The following TAS1R3 variants were observed in gnomAD, a reference collection of about 807,000 sequenced individuals.
The protein encoded by TAS1R3 is taste 1 receptor member 3.
In TAS1R3, 58 loss-of-function variants were observed where a neutral mutation model predicts 46.1. The observed-to-expected ratio is 1.26, with a 90% confidence interval of 1.02 to 1.57. The LOEUF (loss-of-function observed/expected upper bound fraction) is 1.57. Among genes scored for constraint, TAS1R3 ranks in the 40% most tolerant of loss-of-function variants. The probability of loss-of-function intolerance (pLI) is 0.00; values close to 1 mark genes in which losing one functional copy is unlikely to be tolerated. For synonymous variants in TAS1R3, 724 were observed against 544.7 expected, an observed-to-expected ratio of 1.33 and a Z score of -4.58; for missense variants, 1,422 against 1,185.8, an observed-to-expected ratio of 1.20 and a Z score of -2.93.
chr1:1,333,334 T>C lies in TAS1R3; in HGVS notation c.1555T>C (p.Tyr519His), dbSNP rs1199196152. ...GGTCAAGGGGTTCCACTCCTGCTGC[T>C]ACGACTGTGTGGACTGCGAGGCGGG... ...RRVKGFHSCC[Y>H]DCVDCEAGSY... Residue 519 changes from tyrosine (Y) to histidine (H), a missense_variant, in exon 5 of 6, where the codon TAC (tyrosine) becomes CAC (histidine). By Grantham distance (83) the Tyr-to-His change is moderately conservative. Coordinates refer to ENST00000339381, the MANE Select transcript of TAS1R3 (RefSeq NM_152228.3). 2 of 1,608,322 alleles carry C rather than the reference T, an allele frequency of 1.2e-6. No individual in the cohort carries two copies. Among genetic ancestry groups the C allele is most frequent in the Non-Finnish European group, 1.7e-6 (2 of 1,178,100 alleles).
In TAS1R3 at chr1:1,333,700, G is replaced by A. The variant is rs1403992113; in HGVS notation, c.1795G>A (p.Val599Ile). The change falls in exon 6 of 6, where the codon GTT becomes ATT. Residue 599 changes from valine (V) to isoleucine (I), a missense_variant. Val to Ile is a conservative substitution (Grantham distance 29). Coordinates refer to ENST00000339381, the MANE Select transcript of TAS1R3 (RefSeq NM_152228.3). ...CGTTCACCATCGGGACAGCCCACTGGTTCAGGCCTCGGGGGGGCCCCTGGC... is the reference window on the plus strand; with the variant it reads ...CGTTCACCATCGGGACAGCCCACTGATTCAGGCCTCGGGGGGGCCCCTGGC... ...LFVHHRDSPLVQASGGPLACF... is the reference protein window; with the variant it reads ...LFVHHRDSPLIQASGGPLACF... 5 of 1,611,158 alleles carry A rather than the reference G, an allele frequency of 3.1e-6. No homozygotes were observed. The South Asian group carries it at 5.5e-5, about 18-fold the overall frequency.
Position 1,331,699 on chromosome 1 carries a change from A to G in TAS1R3, c.253A>G (p.Asn85Asp), listed in dbSNP as rs758514443. The part of the protein sequence containing the change: ...AMKMAVEEIN[N>D]KSDLLPGLRL... ...GAAAATGGCCGTGGAGGAGATCAACAACAAGTCGGATCTGCTGCCCGGGCT... is the reference window on the plus strand; with the variant it reads ...GAAAATGGCCGTGGAGGAGATCAACGACAAGTCGGATCTGCTGCCCGGGCT... The change falls in exon 2 of 6, where the codon AAC becomes GAC. Residue 85 changes from asparagine to aspartate, a missense_variant. Transcript: ENST00000339381. The G allele has an allele frequency of 2.5e-6, 4 of 1,612,864 alleles. No individual in the cohort carries two copies. The African/African-American group carries it at 5.3e-5, about 22-fold the overall frequency.
chr1:1,332,018 T>C lies in TAS1R3; in HGVS notation c.493-6T>C, dbSNP rs758740057. 7.3e-7 allele frequency: 1 copy of C among 1,363,962 alleles called. No homozygotes were observed. Among genetic ancestry groups the C allele is most frequent in the Non-Finnish European group, 9.7e-7 (1 of 1,030,190 alleles). The allele number at this position is 1,363,962 out of a possible 1,614,324, so 84.5% of individuals were successfully genotyped here. A position where few individuals can be genotyped will look rare whatever the true frequency, so the allele number is the denominator to read the frequency against. ...TGTGTCAGGAGATGCCTCTTGGCCC[T>C]TGCAGGTCAGCTACGGTGCTAGCAT... On this transcript the variant is annotated splice_polypyrimidine_tract_variant and splice_region_variant and intron_variant, in intron 2 of 5. Transcript: ENST00000339381.
At position 1,334,638 on chromosome 1, in the gene TAS1R3, G is replaced by A. The variant is rs1643516155; in HGVS notation, c.*174G>A. 1 of 710,536 alleles carries A rather than the reference G, an allele frequency of 1.4e-6. No individual in the cohort carries two copies. The highest frequency in any genetic ancestry group is 2.3e-6 in the Non-Finnish European group (1 of 443,354). The allele number at this position is 710,536 out of a possible 1,614,324, so 44.0% of individuals were successfully genotyped here. A position where few individuals can be genotyped will look rare whatever the true frequency, so the allele number is the denominator to read the frequency against. ...AGGCCTGGAGCACGTGGACACCCCTGTGACCATCTGGGCCCCAGAGCCAAG... is the reference window on the plus strand; with the variant it reads ...AGGCCTGGAGCACGTGGACACCCCTATGACCATCTGGGCCCCAGAGCCAAG... On this transcript the variant is annotated 3_prime_UTR_variant, in exon 6 of 6. Coordinates refer to ENST00000339381, the MANE Select transcript of TAS1R3 (RefSeq NM_152228.3).
At position 1,334,315 on chromosome 1, in the gene TAS1R3, G is replaced by A. The variant is rs762870323; in HGVS notation, c.2410G>A (p.Gly804Ser). Residue 804 changes from glycine (G) to serine (S), a missense_variant, in exon 6 of 6, where the codon GGC (glycine) becomes AGC (serine). Physicochemically the swap from Gly to Ser is moderately conservative, Grantham distance 56. Coordinates refer to ENST00000339381, the MANE Select transcript of TAS1R3 (RefSeq NM_152228.3). The stretch of plus-strand genomic sequence containing the variant: ...GGGCGCCCTCCTGCTCTGTGTCCTG[G>A]GCATCCTGGCTGCCTTCCACCTGCC... ...QMGALLLCVLGILAAFHLPRC... is the reference protein window; with the variant it reads ...QMGALLLCVLSILAAFHLPRC... The A allele has an allele frequency of 6.2e-7, 1 of 1,611,772 alleles. No homozygotes were observed. Among genetic ancestry groups the A allele is most frequent in the Admixed American group, 1.7e-5 (1 of 59,964 alleles).
In TAS1R3 at chr1:1,333,565, T is replaced by G; in HGVS notation, c.1660T>G (p.Cys554Gly). Residue 554 changes from cysteine (C) to glycine (G), a missense_variant, in exon 6 of 6, where the codon TGC becomes GGC. Transcript: ENST00000339381. ...GTGGTCCCCGGAGCGAAGCACACGC[T>G]GCTTCCGCCGCAGGTCTCGGTTCCT... ...DEWSPERSTRCFRRRSRFLAW... is the reference protein window; with the variant it reads ...DEWSPERSTRGFRRRSRFLAW... 2 of 1,605,480 alleles carry G rather than the reference T, an allele frequency of 1.2e-6. No homozygotes were observed. The highest frequency in any genetic ancestry group is 1.7e-6 in the Non-Finnish European group (2 of 1,179,880).
chr1:1,332,002 A>C, intron 2 of TAS1R3, 22 bp from the exon 3 acceptor site: 1 of 1,352,318 alleles, frequency 7.4e-7, no homozygotes. Context: ...CTGTGTCAGG[A>C]GATGCCTCTT....
intron 5 of TAS1R3, 63 bp downstream of exon 5, chr1:1,333,442 G>C (rs953241115): frequency 1.2e-6 from 2 of 1,606,558 alleles, no homozygotes; most frequent in Non-Finnish European, 1.7e-6. Context: ...GCCAAGTCCT[G>C]ACTCTGAGAC....
rs572361455 is a variant in TAS1R3, at chr1:1,333,466, G to C, written c.1601-40G>C. The C allele has an allele frequency of 3.5e-4, 560 of 1,602,200 alleles. 2 individuals carry two copies. The African/African-American group carries it at 6.5e-3, about 19-fold the overall frequency. On this transcript the variant is annotated intron_variant, in intron 5 of 5. Transcript: ENST00000339381. ...TGACTCTGAGACCAGAGCCCACAGG[G>C]TACAAGACGAACACCCAGCGCCCTT...
Position 1,333,696 on chromosome 1 carries a change from A to G in TAS1R3, c.1791A>G (p.Pro597=), listed in dbSNP as rs148260692. The G allele has an allele frequency of 6.2e-7, 1 of 1,611,362 alleles. No homozygotes were observed. The change falls in exon 6 of 6, where the codon CCA becomes CCG. Residue 597 remains proline (P), a synonymous_variant. Transcript: ENST00000339381. The part of the protein sequence containing the change: ...LGLFVHHRDS[P]LVQASGGPLA... Reference sequence around the variant, plus strand: ...TGTTCGTTCACCATCGGGACAGCCCACTGGTTCAGGCCTCGGGGGGGCCCC... The same window carrying G: ...TGTTCGTTCACCATCGGGACAGCCCGCTGGTTCAGGCCTCGGGGGGGCCCC...
At position 1,332,772 on chromosome 1, in the gene TAS1R3, G is replaced by A. The variant is rs140901263; in HGVS notation, c.1241G>A (p.Gly414Asp). 4 of 1,605,968 alleles carry A rather than the reference G, an allele frequency of 2.5e-6. No individual in the cohort carries two copies. Among genetic ancestry groups the A allele is most frequent in the South Asian group, 1.1e-5 (1 of 91,058 alleles). The part of the protein sequence containing the change: ...LHNTLQCNAS[G>D]CPAQDPVKPW... ...AACACTCTTCAGTGCAACGCCTCAG[G>A]CTGCCCCGCGCAGGACCCCGTGAAG... The change falls in exon 3 of 6, where the codon GGC becomes GAC. Residue 414 changes from glycine (G) to aspartate (D), a missense_variant. By Grantham distance (94) the Gly-to-Asp change is moderately conservative. Transcript: ENST00000339381.
At position 1,332,752 on chromosome 1, in the gene TAS1R3, T is replaced by C. The variant is rs760939345; in HGVS notation, c.1221T>C (p.Thr407=). The part of the protein sequence containing the change: ...VYSVAQALHN[T]LQCNASGCPA... Reference sequence around the variant, plus strand: ...GCGTGGCCCAGGCCCTGCACAACACTCTTCAGTGCAACGCCTCAGGCTGCC... The same window carrying C: ...GCGTGGCCCAGGCCCTGCACAACACCCTTCAGTGCAACGCCTCAGGCTGCC... The change falls in exon 3 of 6, where the codon ACT becomes ACC. Residue 407 remains threonine (T), a synonymous_variant. Transcript: ENST00000339381. 2 of 1,605,594 alleles carry C rather than the reference T, an allele frequency of 1.2e-6. No homozygotes were observed. The highest frequency in any genetic ancestry group is 1.7e-5 in the Admixed American group (1 of 59,974).
rs1643423113 is a variant in TAS1R3, at chr1:1,331,432, T to A, written c.87T>A (p.Leu29=). Reference sequence around the variant, plus strand: ...CCCCATTGTGCCTGTCACAGCAACTTAGGATGAAGGGGGACTACGTGCTGG... The same window carrying A: ...CCCCATTGTGCCTGTCACAGCAACTAAGGATGAAGGGGGACTACGTGCTGG... ...TGAPLCLSQQ[L]RMKGDYVLGG... is the part of the protein sequence containing the mutation. The change falls in exon 1 of 6, where the codon CTT becomes CTA. Residue 29 remains leucine (L), a synonymous_variant. Transcript: ENST00000339381. 6.2e-7 allele frequency: 1 copy of A among 1,604,248 alleles called. No homozygotes were observed. Among genetic ancestry groups the A allele is most frequent in the South Asian group, 1.1e-5 (1 of 90,070 alleles).
At position 1,334,750 on chromosome 1, in the gene TAS1R3, G is replaced by A. The variant is rs956327491; in HGVS notation, c.*286G>A. On this transcript the variant is annotated 3_prime_UTR_variant, in exon 6 of 6. Coordinates refer to ENST00000339381, the MANE Select transcript of TAS1R3 (RefSeq NM_152228.3). Reference sequence around the variant, plus strand: ...TGGAAAGAGGCCCGGAGGGCTCCCAGGGTACCCGCAACCCACACCGTGAGC... The same window carrying A: ...TGGAAAGAGGCCCGGAGGGCTCCCAAGGTACCCGCAACCCACACCGTGAGC... The A allele has an allele frequency of 3.0e-5, 11 of 369,328 alleles. No homozygotes were observed. The highest frequency in any genetic ancestry group is 2.3e-4 in the African/African-American group (11 of 48,242). The allele number at this position is 369,328 out of a possible 1,614,324, so 22.9% of individuals were successfully genotyped here. A position where few individuals can be genotyped will look rare whatever the true frequency, so the allele number is the denominator to read the frequency against.
Position 1,332,901 on chromosome 1 carries a change from G to A in TAS1R3, c.1276-20G>A. 1 of 1,596,336 alleles carries A rather than the reference G, an allele frequency of 6.3e-7. No homozygotes were observed. The highest frequency in any genetic ancestry group is 8.5e-7 in the Non-Finnish European group (1 of 1,169,720). On this transcript the variant is annotated intron_variant, in intron 3 of 5. Coordinates refer to ENST00000339381, the MANE Select transcript of TAS1R3 (RefSeq NM_152228.3). ...TGAGCTGGAGGTGGCTGGCGGCTCA[G>A]CCCCGTCCCCCGCCCGCAGCTCCTG... is the stretch of plus-strand genomic sequence containing the variant.
rs774600632 is a variant in TAS1R3, at chr1:1,331,845, G to T, written c.399G>T (p.Gln133His). 3 of 1,612,924 alleles carry T rather than the reference G, an allele frequency of 1.9e-6. No homozygotes were observed. Among genetic ancestry groups the T allele is most frequent in the South Asian group, 2.2e-5 (2 of 91,088 alleles). Residue 133 changes from glutamine to histidine, a missense_variant, in exon 2 of 6, where the codon CAG (glutamine) becomes CAT (histidine). By Grantham distance (24) the Gln-to-His change is conservative. Coordinates refer to ENST00000339381, the MANE Select transcript of TAS1R3 (RefSeq NM_152228.3). ...RDIAAYCNYT[Q>H]YQPRVLAVIG... ...TCGCCGCCTACTGCAACTACACGCA[G>T]TACCAGCCCCGTGTGCTGGCTGTCA...
chr1:1,331,851 G>A lies in TAS1R3; in HGVS notation c.405G>A (p.Gln135=). ...CCTACTGCAACTACACGCAGTACCA[G>A]CCCCGTGTGCTGGCTGTCATCGGGC... is the stretch of plus-strand genomic sequence containing the variant. The part of the protein sequence containing the change: ...IAAYCNYTQY[Q]PRVLAVIGPH... The change falls in exon 2 of 6, where the codon CAG becomes CAA. Residue 135 remains glutamine (Q), a synonymous_variant. Coordinates refer to ENST00000339381, the MANE Select transcript of TAS1R3 (RefSeq NM_152228.3). 1.2e-6 allele frequency: 2 copies of A among 1,612,902 alleles called. No homozygotes were observed. Among genetic ancestry groups the A allele is most frequent in the Non-Finnish European group, 1.7e-6 (2 of 1,180,024 alleles).
rs1171916107 is a variant in TAS1R3, at chr1:1,334,324, G to C, written c.2419G>C (p.Ala807Pro). Residue 807 changes from alanine to proline, a missense_variant, in exon 6 of 6, where the codon GCT (alanine) becomes CCT (proline). By Grantham distance (27) the Ala-to-Pro change is conservative (BLOSUM62 -1). Transcript: ENST00000339381. ...ALLLCVLGIL[A>P]AFHLPRCYLL... ...CCTGCTCTGTGTCCTGGGCATCCTG[G>C]CTGCCTTCCACCTGCCCAGGTGTTA... is the stretch of plus-strand genomic sequence containing the variant. 3 of 1,611,576 alleles carry C rather than the reference G, an allele frequency of 1.9e-6. No individual in the cohort carries two copies. In the African/African-American group the frequency reaches 4.0e-5, roughly 22 times the overall value.
chr1:1,331,579 G>A (rs577310722), intron 1 of TAS1R3, 43 bp downstream of exon 1: 21 of 1,603,256 alleles, frequency 1.3e-5, no homozygotes, highest in Admixed American at 1.0e-4. Flanking sequence ...GGGTGACCAG[G>A]TCTGGGGTGC....
Sources: allele counts gnomAD v4.1 joint callset, GRCh38; gene constraint gnomAD v4.1.1; transcripts MANE v1.5; gene names NCBI Gene and HGNC (gene_info 2026-07-23, HGNC 2026-07-21).